NUDC: variants seen among roughly 807,000 people sequenced by gnomAD.
NUDC encodes the protein nuclear migration protein nudC.
NUDC carries 14 observed loss-of-function variants against 45.0 expected under a neutral mutation model. The ratio of observed to expected loss-of-function variants is 0.31; its 90% CI spans 0.21 to 0.49. The LOEUF (loss-of-function observed/expected upper bound fraction) is 0.49, where lower values mean the gene tolerates loss of function less well. NUDC is among the 20% of genes least tolerant of loss of function. The pLI is 0.99. For synonymous variants in NUDC, 153 were observed against 156.7 expected, an observed-to-expected ratio of 0.98 and a Z score of 0.17; for missense variants, 323 against 426.2, an observed-to-expected ratio of 0.76 and a Z score of 2.13.
At chr1:26,929,003 A>T (rs2082156660) in intron 2 of NUDC, among the ~76,000 whole-genome samples, 1 of 152,218 alleles carries the variant, frequency 6.6e-6, no homozygotes, top group Non-Finnish European at 1.5e-5. Flanking sequence ...CAAAAGGTGG[A>T]AGGAACCAAA....
In NUDC at chr1:26,931,422, G is replaced by A. The variant is rs751674987; in HGVS notation, c.159+7256G>A. 4.2e-5 allele frequency among the ~76,000 whole-genome samples: 5 copies of A among 118,868 alleles called. No individual in the cohort carries two copies. In the South Asian group the frequency reaches 8.1e-4, roughly 19 times the overall value. The allele number at this position is 118,868 out of a possible 152,430, so 78.0% of individuals were successfully genotyped here. On this transcript the variant is annotated intron_variant, in intron 2 of 8. Coordinates refer to ENST00000321265, the MANE Select transcript of NUDC (RefSeq NM_006600.4). The stretch of plus-strand genomic sequence containing the variant: ...TTTTGAGGTAGAGTCTCGCTTTTTC[G>A]CCCAGGTTGGAGTGCAGTGGCACCA...
At chr1:26,908,111 G>A (rs955678568) in intron 2 of NUDC, among the ~76,000 whole-genome samples, 32 of 152,168 alleles carry the variant, frequency 2.1e-4, no homozygotes, top group African/African-American at 5.8e-4. Flanking sequence ...CCCGGGAGGC[G>A]GAGGTTGCAG....
intron 2 of NUDC, among the ~76,000 whole-genome samples, chr1:26,936,134 AATAT>A (rs1215586103): frequency 0.016 from 106 of 6,808 alleles, 4 homozygotes; most frequent in South Asian, 0.026. Flanking sequence ...ACGCCCGGCT[AATAT>A]ATATATATAT....
chr1:26,905,157 A>AT (rs71007901), intron 2 of NUDC, among the ~76,000 whole-genome samples: 2,258 of 84,238 alleles, frequency 0.027, 70 homozygotes, highest in Admixed American at 0.045. Flanking sequence ...TATTATTATT[A>AT]TTTTTTTTTT....
At chr1:26,900,409 T>C (rs2081971766) in intron 1 of NUDC, 1 of 1,611,524 alleles carries the variant, frequency 6.2e-7, no homozygotes, top group African/African-American at 1.3e-5. Context: ...AGGTAAACTG[T>C]CGCCTCCTCC....
intron 2 of NUDC, among the ~76,000 whole-genome samples, chr1:26,931,787 G>A (rs1439080880): frequency 6.7e-6 from 1 of 149,504 alleles, no homozygotes; most frequent in Non-Finnish European, 1.5e-5. Context: ...AAAAAAAAAA[G>A]AGATTTCTCC....
chr1:26,943,131 GT>G, intron 6 of NUDC, 66 bp downstream of exon 6: 1 of 1,539,610 alleles, frequency 6.5e-7, no homozygotes, highest in Non-Finnish European at 9.0e-7. Flanking sequence ...TGTGTGCTTA[GT>G]TTACTCAGGA....
At chr1:26,943,888 C>T (rs975780332) in intron 6 of NUDC, among the ~76,000 whole-genome samples, 1 of 152,068 alleles carries the variant, frequency 6.6e-6, no homozygotes, top group Non-Finnish European at 1.5e-5. Context: ...CACTCACTCA[C>T]CCCTCCATGC....
intron 2 of NUDC, among the ~76,000 whole-genome samples, chr1:26,909,942 G>T (rs1458212899): frequency 1.3e-5 from 2 of 152,220 alleles, no homozygotes; most frequent in Middle Eastern, 6.8e-3. Flanking sequence ...AGTCACCAGG[G>T]GGAAAGAGGA....
At chr1:26,905,843 C>G (rs764813260) in intron 2 of NUDC, among the ~76,000 whole-genome samples, 37 of 152,290 alleles carry the variant, frequency 2.4e-4, no homozygotes, top group Admixed American at 1.2e-3. Flanking sequence ...CCTTGAGTTT[C>G]TTTGTCTATA....
Position 26,924,078 on chromosome 1 carries a change from C to G in NUDC, c.82-11C>G. On this transcript the variant is annotated splice_polypyrimidine_tract_variant and intron_variant, in intron 1 of 8. Coordinates refer to ENST00000321265, the MANE Select transcript of NUDC (RefSeq NM_006600.4). ...CAGCTCTACTACTTTAATCTTCTCC[C>G]CCTCTTTCAGCTTGTGAACACCTTC... 1.2e-6 allele frequency: 2 copies of G among 1,613,762 alleles called. No homozygotes were observed. The highest frequency in any genetic ancestry group is 2.2e-5 in the South Asian group (2 of 91,068).
intron 2 of NUDC, among the ~76,000 whole-genome samples, chr1:26,926,552 A>T (rs1382024244): frequency 1.3e-5 from 2 of 152,210 alleles, no homozygotes. Flanking sequence ...AAAAAAATAC[A>T]AAAGCACTTT....
At chr1:26,945,029 C>G (rs984359003) in intron 6 of NUDC, 2 of 303,758 alleles carry the variant, frequency 6.6e-6, no homozygotes, top group South Asian at 3.3e-5. Flanking sequence ...ACAAGAAGAA[C>G]AAGACTCCAT....
intron 2 of NUDC, among the ~76,000 whole-genome samples, chr1:26,925,928 G>A (rs997768642): frequency 1.3e-5 from 2 of 151,626 alleles, no homozygotes; most frequent in Non-Finnish European, 2.9e-5. Flanking sequence ...CACCATGTTG[G>A]CCAGGCTGGT....
At chr1:26,902,745 CA>C (rs767379045) in intron 2 of NUDC, among the ~76,000 whole-genome samples, 319 of 136,738 alleles carry the variant, frequency 2.3e-3, no homozygotes, top group Admixed American at 3.4e-3. Flanking sequence ...GAATCTGTCT[CA>C]AAAAAAAAAA....
At chr1:26,940,044 G>T (rs1402901440) in intron 2 of NUDC, among the ~76,000 whole-genome samples, 1 of 152,188 alleles carries the variant, frequency 6.6e-6, no homozygotes, top group Non-Finnish European at 1.5e-5. Context: ...GCACATCCTG[G>T]AGTGGAAACC....
At chr1:26,908,095 C>T (rs1467703542) in intron 2 of NUDC, among the ~76,000 whole-genome samples, 2 of 152,078 alleles carry the variant, frequency 1.3e-5, no homozygotes, top group Non-Finnish European at 2.9e-5. Context: ...AACGGAATTG[C>T]TTGAACCCGG....
intron 3 of NUDC, chr1:26,913,354 C>T: frequency 3.9e-6 from 6 of 1,536,560 alleles, no homozygotes; most frequent in Non-Finnish European, 5.4e-6. Context: ...GCTACCTTCC[C>T]TGGCTGGCCC....
intron 2 of NUDC, among the ~76,000 whole-genome samples, chr1:26,930,883 G>T (rs1043877427): frequency 6.6e-6 from 1 of 151,694 alleles, no homozygotes; most frequent in African/African-American, 2.4e-5. Context: ...GGGCATGGTG[G>T]CAGGGGCCTG....
Sources: gnomAD v4.1 joint callset for allele counts (sites outside exome capture counted in the v4.1 genomes callset) on GRCh38, gnomAD v4.1.1 for gene constraint, MANE v1.5 for transcripts, NCBI Gene and HGNC (gene_info 2026-07-23, HGNC 2026-07-21) for gene names.